Variants in MAGI1 observed in about 807,000 individuals in gnomAD.
The protein encoded by MAGI1 is membrane-associated guanylate kinase, WW and PDZ domain-containing protein 1.
MAGI1 carries 58 observed loss-of-function variants against 139.9 expected under a neutral mutation model. The ratio of observed to expected loss-of-function variants is 0.41; its 90% CI spans 0.34 to 0.52. The LOEUF is 0.52. Ranked by LOEUF, MAGI1 falls within the 20% of genes least tolerant of loss-of-function variation. The pLI, the probability that MAGI1 is intolerant of heterozygous loss-of-function variation, is 0.12. For missense variants in MAGI1, 1,874 were observed against 1,901.6 expected (o/e 0.99, Z 0.27); for synonymous variants, 812 against 737.9 (o/e 1.10, Z -1.63).
At chr3:65,814,789 T>C (rs1447091314) in intron 1 of MAGI1, among the ~76,000 whole-genome samples, 1 of 152,182 alleles carries the variant, frequency 6.6e-6, no homozygotes, top group East Asian at 1.9e-4. Flanking sequence ...ATAATTCAGA[T>C]TTCAATTCTA....
At chr3:65,661,637 T>G (rs538704687) in intron 1 of MAGI1, among the ~76,000 whole-genome samples, 32 of 152,270 alleles carry the variant, frequency 2.1e-4, no homozygotes, top group African/African-American at 7.7e-4. Context: ...CTTACTGTGA[T>G]GGGAAGCATA....
Position 65,439,976 on chromosome 3 carries a change from A to T in MAGI1, c.1173T>A (p.Val391=), listed in dbSNP as rs1948152171. 1 of 1,613,822 alleles carries T rather than the reference A, an allele frequency of 6.2e-7. No homozygotes were observed. The part of the protein sequence containing the change: ...INRKTQYENP[V]LEAKRKKQLE... Reference sequence around the variant, plus strand: ...GCTGCTTCTTCCGTTTGGCTTCTAGAACCGGGTTCTCATATTGTGTCTTCC... The same window carrying T: ...GCTGCTTCTTCCGTTTGGCTTCTAGTACCGGGTTCTCATATTGTGTCTTCC... Residue 391 remains valine (V), a synonymous_variant, in exon 9 of 23, where the codon GTT becomes GTA. Coordinates refer to ENST00000402939, the MANE Select transcript of MAGI1 (RefSeq NM_001033057.2).
chr3:65,433,474 T>C (rs1947608702), intron 10 of MAGI1, among the ~76,000 whole-genome samples: 1 of 152,174 alleles, frequency 6.6e-6, no homozygotes, highest in African/African-American at 2.4e-5. Context: ...GCACATTTTA[T>C]TATTTTTTAC....
intron 2 of MAGI1, among the ~76,000 whole-genome samples, chr3:65,616,814 A>T (rs1249960952): frequency 6.6e-6 from 1 of 152,230 alleles, no homozygotes. Context: ...TCCAGGAGAC[A>T]AACTATTTTC....
At chr3:66,012,267 T>C (rs369923991) in intron 1 of MAGI1, among the ~76,000 whole-genome samples, 1 of 152,134 alleles carries the variant, frequency 6.6e-6, no homozygotes, top group African/African-American at 2.4e-5. Context: ...TAGAAATTAT[T>C]TTTTTAGCAG....
intron 2 of MAGI1, among the ~76,000 whole-genome samples, chr3:65,566,051 C>T (rs147946981): frequency 0.025 from 3,811 of 151,762 alleles, 80 homozygotes; most frequent in Admixed American, 0.049. Context: ...GTCAGGAGTT[C>T]GAGACCAGCC....
chr3:65,814,181 G>C (rs566364820), intron 1 of MAGI1, among the ~76,000 whole-genome samples: 3 of 152,102 alleles, frequency 2.0e-5, no homozygotes, highest in Non-Finnish European at 4.4e-5. Flanking sequence ...TACTCTGCCA[G>C]ACACAGGGTG....
intron 1 of MAGI1, among the ~76,000 whole-genome samples, chr3:66,016,415 G>A (rs1045687610): frequency 6.6e-6 from 1 of 152,172 alleles, no homozygotes; most frequent in Non-Finnish European, 1.5e-5. Flanking sequence ...TAATTACTGA[G>A]CATACAGCCT....
chr3:65,512,023 A>G (rs1247767607), intron 2 of MAGI1, among the ~76,000 whole-genome samples: 2 of 106,476 alleles, frequency 1.9e-5, no homozygotes, highest in African/African-American at 7.2e-5. Flanking sequence ...GCTCAACTAC[A>G]TGGAAACTGA....
chr3:65,836,939 G>A (rs1156298518), intron 1 of MAGI1, among the ~76,000 whole-genome samples: 2 of 152,114 alleles, frequency 1.3e-5, no homozygotes, highest in Non-Finnish European at 2.9e-5. Context: ...CTTTGAAACT[G>A]TTAAATTGTA....
intron 7 of MAGI1, among the ~76,000 whole-genome samples, chr3:65,447,377 A>ACTAGAGTAGT (rs1948741243): frequency 6.6e-6 from 1 of 152,218 alleles, no homozygotes; most frequent in Non-Finnish European, 1.5e-5. Flanking sequence ...AACAACAATA[A>ACTAGAGTAGT]CTAGAGTAGT....
At chr3:65,454,158 T>G (rs955977053) in intron 5 of MAGI1, among the ~76,000 whole-genome samples, 1 of 152,214 alleles carries the variant, frequency 6.6e-6, no homozygotes, top group Non-Finnish European at 1.5e-5. Context: ...AAGTTCTGCT[T>G]GAGCCCCCAG....
chr3:65,633,381 C>T (rs1367612003), intron 1 of MAGI1, among the ~76,000 whole-genome samples: 1 of 152,058 alleles, frequency 6.6e-6, no homozygotes, highest in Non-Finnish European at 1.5e-5. Context: ...AAAAAAGAAA[C>T]GTGTGGTGAG....
chr3:65,985,224 G>A (rs922154411), intron 1 of MAGI1, among the ~76,000 whole-genome samples: 2 of 152,222 alleles, frequency 1.3e-5, no homozygotes, highest in East Asian at 3.8e-4. Flanking sequence ...ACAAACACAT[G>A]ACAAGTTATT....
At position 65,391,257 on chromosome 3, in the gene MAGI1, G is replaced by C; in HGVS notation, c.2301C>G (p.Leu767=). Residue 767 remains leucine, a synonymous_variant, in exon 14 of 23, where the codon CTC becomes CTG. Coordinates refer to ENST00000402939, the MANE Select transcript of MAGI1 (RefSeq NM_001033057.2). ...GGGCCTCTGCAGGTGGGAACTCGGG[G>C]AGCACCTGTGTGCTGTGGCTTGGGG... ...TASPSHSTQV[L]PEFPPAEAQA... 6.2e-7 allele frequency: 1 copy of C among 1,614,182 alleles called. No homozygotes were observed.
intron 1 of MAGI1, among the ~76,000 whole-genome samples, chr3:65,854,198 G>A (rs1026975875): frequency 1.3e-5 from 2 of 150,388 alleles, no homozygotes; most frequent in Admixed American, 6.6e-5. Flanking sequence ...AAAAAGCATC[G>A]GCTACTCAGG....
At chr3:65,691,885 C>G (rs553890507) in intron 1 of MAGI1, among the ~76,000 whole-genome samples, 2 of 152,182 alleles carry the variant, frequency 1.3e-5, no homozygotes, top group Non-Finnish European at 2.9e-5. Flanking sequence ...CCAGTTCCAA[C>G]CTAATTAGCT....
At chr3:65,842,267 G>A (rs2058833165) in intron 1 of MAGI1, among the ~76,000 whole-genome samples, 1 of 152,078 alleles carries the variant, frequency 6.6e-6, no homozygotes, top group South Asian at 2.1e-4. Context: ...TTAGGGAGGA[G>A]GTGTAAAAGA....
chr3:65,897,678 A>C (rs753797645), intron 1 of MAGI1, among the ~76,000 whole-genome samples: 1 of 151,800 alleles, frequency 6.6e-6, no homozygotes, highest in Non-Finnish European at 1.5e-5. Context: ...ACAACAACAA[A>C]AAAGAACCTG....
Sources: gnomAD v4.1 joint callset for allele counts (sites outside exome capture counted in the v4.1 genomes callset) on GRCh38, gnomAD v4.1.1 for gene constraint, MANE v1.5 for transcripts, NCBI Gene and HGNC (gene_info 2026-07-23, HGNC 2026-07-21) for gene names.